ADAMTS12: variants seen among roughly 807,000 people sequenced by gnomAD.
ADAMTS12 encodes A disintegrin and metalloproteinase with thrombospondin motifs 12.
In ADAMTS12, 118 loss-of-function variants were observed where a neutral mutation model predicts 167.8. The ratio of observed to expected loss-of-function variants is 0.70; its 90% CI spans 0.61 to 0.82. The LOEUF is 0.82. Among genes scored for constraint, ADAMTS12 ranks in the 40% least tolerant of loss-of-function variants. ADAMTS12 has a pLI of 0.00. For missense variants in ADAMTS12, 1,916 were observed against 1,998.8 expected, an observed-to-expected ratio of 0.96 and a Z score of 0.79; for synonymous variants, 704 against 716.9, an observed-to-expected ratio of 0.98 and a Z score of 0.29.
In ADAMTS12 at chr5:33,836,819, C is replaced by T. The variant is rs557634368; in HGVS notation, c.489+44300G>A. Among the ~76,000 whole-genome samples the T allele has an allele frequency of 1.3e-4, 20 of 152,156 alleles. No individual in the cohort carries two copies. The South Asian group carries it at 4.0e-3, about 30-fold the overall frequency. ...TGGGAAAGAGCACGGAGCATCTAGG[C>T]CAAGGTGGCCAGAGCCTAGAGGGCT... On this transcript the variant is annotated intron_variant, in intron 2 of 23. Coordinates refer to ENST00000504830, the MANE Select transcript of ADAMTS12 (RefSeq NM_030955.4).
intron 20 of ADAMTS12, among the ~76,000 whole-genome samples, chr5:33,555,936 C>T (rs1327628402): frequency 6.6e-6 from 1 of 152,186 alleles, no homozygotes; most frequent in South Asian, 2.1e-4. Flanking sequence ...CCTTCTCAGG[C>T]CAGTTTCTCC....
Position 33,674,464 on chromosome 5 carries a change from A to AAGAT in ADAMTS12, c.915+8550_915+8553dup, listed in dbSNP as rs200663386. 9.3e-3 allele frequency among the ~76,000 whole-genome samples: 1,422 copies of AAGAT among 152,300 alleles called. 20 individuals carry two copies. The highest frequency in any genetic ancestry group is 0.033 in the African/African-American group (1,379 of 41,544). ...GATGTTGTAAAGGAAACAGCCTTAG[A>AAGAT]AGATAGTCTTTTTCCAGGGAAAAGG... On this transcript the variant is annotated intron_variant, in intron 5 of 23. Transcript: ENST00000504830.
intron 19 of ADAMTS12, among the ~76,000 whole-genome samples, chr5:33,566,407 T>C (rs187695317): frequency 6.6e-6 from 1 of 152,158 alleles, no homozygotes. Context: ...AGGATTGTGA[T>C]GAGCTATCAT....
At chr5:33,813,146 C>T (rs1210739839) in intron 2 of ADAMTS12, among the ~76,000 whole-genome samples, 4 of 152,178 alleles carry the variant, frequency 2.6e-5, no homozygotes, top group East Asian at 1.9e-4. Flanking sequence ...AACAGATTCC[C>T]AGTGTTATGC....
Position 33,576,313 on chromosome 5 carries a change from C to T in ADAMTS12, c.3713G>A (p.Gly1238Glu). Residue 1238 changes from glycine (G) to glutamate (E), a missense_variant, in exon 19 of 24, where the codon GGG becomes GAG. Coordinates refer to ENST00000504830, the MANE Select transcript of ADAMTS12 (RefSeq NM_030955.4). ...GTTGGCTGGCTTTTCAGTAACCATC[C>T]CCTCAACTCTGGGTGTCCCAGTTTC... ...TSETGTPRVEGMVTEKPANTL... is the reference protein window; with the variant it reads ...TSETGTPRVEEMVTEKPANTL... 1 of 1,614,124 alleles carries T rather than the reference C, an allele frequency of 6.2e-7. No homozygotes were observed. Among genetic ancestry groups the T allele is most frequent in the Non-Finnish European group, 8.5e-7 (1 of 1,180,016 alleles).
At chr5:33,536,251 T>A (rs1170420607) in intron 22 of ADAMTS12, among the ~76,000 whole-genome samples, 1 of 152,176 alleles carries the variant, frequency 6.6e-6, no homozygotes, top group Non-Finnish European at 1.5e-5. Flanking sequence ...TTCTCCTACC[T>A]CAGACTCCCA....
At chr5:33,851,718 A>G (rs1749227105) in intron 2 of ADAMTS12, among the ~76,000 whole-genome samples, 1 of 152,208 alleles carries the variant, frequency 6.6e-6, no homozygotes, top group African/African-American at 2.4e-5. Flanking sequence ...CTGCAATGCA[A>G]TTTCAAATAA....
intron 2 of ADAMTS12, among the ~76,000 whole-genome samples, chr5:33,828,477 T>G (rs1381871367): frequency 6.6e-6 from 1 of 152,192 alleles, no homozygotes; most frequent in Non-Finnish European, 1.5e-5. Context: ...ATGCTTAATT[T>G]TATATAATCA....
At chr5:33,553,354 C>T (rs533756760) in intron 20 of ADAMTS12, among the ~76,000 whole-genome samples, 40 of 152,158 alleles carry the variant, frequency 2.6e-4, no homozygotes, top group Non-Finnish European at 4.4e-4. Flanking sequence ...CCAAGCAGTC[C>T]CATTACTGGG....
At chr5:33,585,136 G>A (rs1050001087) in intron 18 of ADAMTS12, among the ~76,000 whole-genome samples, 1 of 152,022 alleles carries the variant, frequency 6.6e-6, no homozygotes, top group Non-Finnish European at 1.5e-5. Flanking sequence ...TAAACCATTG[G>A]AGCCATGATT....
intron 2 of ADAMTS12, among the ~76,000 whole-genome samples, chr5:33,819,530 G>A (rs1194425447): frequency 1.3e-5 from 2 of 150,852 alleles, no homozygotes; most frequent in East Asian, 3.9e-4. Flanking sequence ...TATCTTTCTC[G>A]GTTTTGCTTT....
At chr5:33,716,082 G>A (rs1282331558) in intron 3 of ADAMTS12, among the ~76,000 whole-genome samples, 1 of 152,114 alleles carries the variant, frequency 6.6e-6, no homozygotes, top group Non-Finnish European at 1.5e-5. Flanking sequence ...CTCATTTGTT[G>A]AAACTGAATC....
chr5:33,778,329 G>A (rs1415962233), intron 2 of ADAMTS12, among the ~76,000 whole-genome samples: 1 of 152,058 alleles, frequency 6.6e-6, no homozygotes, highest in Non-Finnish European at 1.5e-5. Context: ...AGGACACAAG[G>A]ACTAATGAAA....
At chr5:33,778,521 C>T (rs1745999051) in intron 2 of ADAMTS12, among the ~76,000 whole-genome samples, 1 of 148,782 alleles carries the variant, frequency 6.7e-6, no homozygotes, top group South Asian at 2.1e-4. Flanking sequence ...CAAAAATTAA[C>T]TCGAAATGGA....
chr5:33,797,393 G>A, intron 2 of ADAMTS12, among the ~76,000 whole-genome samples: 1 of 143,886 alleles, frequency 6.9e-6, no homozygotes, highest in Non-Finnish European at 1.5e-5. Flanking sequence ...TAAAGAAGTT[G>A]TGAACAGAGT....
chr5:33,857,782 T>C (rs1749463305), intron 2 of ADAMTS12, among the ~76,000 whole-genome samples: 1 of 152,240 alleles, frequency 6.6e-6, no homozygotes. Flanking sequence ...ATGATAACCA[T>C]GTCGCTTCAC....
intron 16 of ADAMTS12, among the ~76,000 whole-genome samples, chr5:33,604,185 T>G (rs12651898): frequency 0.57 from 87,396 of 152,066 alleles, 25,399 homozygotes; most frequent in East Asian, 0.82. Context: ...GATTCAACAC[T>G]CGTTTATAAT....
intron 1 of ADAMTS12, among the ~76,000 whole-genome samples, chr5:33,889,710 T>C (rs1003048055): frequency 2.0e-5 from 3 of 152,208 alleles, no homozygotes; most frequent in African/African-American, 7.2e-5. Context: ...CCCAGCACTT[T>C]AAGAGGCCAA....
chr5:33,536,602 AG>A lies in ADAMTS12; in HGVS notation c.4447-1611del, dbSNP rs1451703009. Among the ~76,000 whole-genome samples the A allele has an allele frequency of 7.6e-3, 1,154 of 152,320 alleles. 13 individuals are homozygous for A. The highest frequency in any genetic ancestry group is 0.026 in the African/African-American group (1,092 of 41,570). ...GTAGTTTCACTTAATAATAGATCATAGAGGTTACGAGTGATTCCAAAGGCTG... is the reference window on the plus strand; with the variant it reads ...GTAGTTTCACTTAATAATAGATCATAAGGTTACGAGTGATTCCAAAGGCTG... On this transcript the variant is annotated intron_variant, in intron 22 of 23. Transcript: ENST00000504830.
Sources: gnomAD v4.1 joint callset for allele counts (sites outside exome capture counted in the v4.1 genomes callset) on GRCh38, gnomAD v4.1.1 for gene constraint, MANE v1.5 for transcripts, NCBI Gene and HGNC (gene_info 2026-07-23, HGNC 2026-07-21) for gene names.